Variants in COL9A1 observed in about 807,000 individuals in gnomAD.
COL9A1 encodes collagen alpha-1(IX) chain.
COL9A1 carries 104 observed loss-of-function variants against 142.6 expected under a neutral mutation model. The ratio of observed to expected loss-of-function variants is 0.73; its 90% CI spans 0.62 to 0.86. The LOEUF is 0.86. COL9A1 is among the 40% of genes least tolerant of loss of function. The pLI is 0.00. For synonymous variants in COL9A1, 466 were observed against 396.0 expected, an observed-to-expected ratio of 1.18 and a Z score of -2.10; for missense variants, 1,210 against 1,176.6, an observed-to-expected ratio of 1.03 and a Z score of -0.42.
In COL9A1 at chr6:70,255,153, G is replaced by A. The variant is rs746848531; in HGVS notation, c.1608C>T (p.Asp536=). The A allele has an allele frequency of 4.3e-6, 7 of 1,614,062 alleles. No homozygotes were observed. The Admixed American group carries it at 1.0e-4, about 23-fold the overall frequency. ...GIPGLPGPKG[D]TGLPGVDGRD... is the part of the protein sequence containing the mutation. ...ATGACTACAGCTCAGGACATACCGT[G>A]TCTCCTTTGGGCCCAGGGAGACCAG... The change falls in exon 23 of 38, where the codon GAC becomes GAT. Residue 536 remains aspartate (D), a synonymous_variant. Transcript: ENST00000357250.
intron 29 of COL9A1, chr6:70,242,306 C>A (rs959634864): frequency 3.4e-6 from 2 of 586,088 alleles, no homozygotes; most frequent in Non-Finnish European, 6.1e-6. Flanking sequence ...CCCGCCACCC[C>A]CGCACTGCCT....
intron 21 of COL9A1, 143 bp from the exon 22 acceptor site, chr6:70,255,533 A>C (rs1392230485): frequency 2.8e-6 from 2 of 725,042 alleles, no homozygotes; most frequent in Non-Finnish European, 4.7e-6. Context: ...CTAGATGAAG[A>C]AGTCTTTTTA....
chr6:70,242,007 C>T lies in COL9A1; in HGVS notation c.1955G>A (p.Gly652Asp). 1 of 1,598,480 alleles carries T rather than the reference C, an allele frequency of 6.3e-7. No individual in the cohort carries two copies. The highest frequency in any genetic ancestry group is 8.5e-7 in the Non-Finnish European group (1 of 1,171,348). The change falls in exon 30 of 38, where the codon GGC (glycine) becomes GAC (aspartate). Residue 652 changes from glycine (G) to aspartate (D), a missense_variant. Physicochemically the swap from Gly to Asp is moderately conservative, Grantham distance 94. Transcript: ENST00000357250. ...LGSLGSPGLP[G>D]LPGPPGLPGM... ...AGGAAGTCCAGGGGGCCCAGGCAAG[C>T]CAGGGAGGCCAGGGCTACCCAGAGA...
chr6:70,259,690 C>T (rs2127580581), intron 20 of COL9A1, among the ~76,000 whole-genome samples: 1 of 152,244 alleles, frequency 6.6e-6, no homozygotes, highest in South Asian at 2.1e-4. Flanking sequence ...TCCATCATAC[C>T]ACTGGCTCTC....
chr6:70,268,244 TC>T (rs1362483309), intron 17 of COL9A1, among the ~76,000 whole-genome samples: 1 of 151,430 alleles, frequency 6.6e-6, no homozygotes, highest in African/African-American at 2.4e-5. Context: ...AGACAAGGTC[TC>T]CCTCCACCAC....
In COL9A1 at chr6:70,281,375, G is replaced by C. The variant is rs772024540; in HGVS notation, c.876+15C>G. ...AGGACTGGGGAACAGAGGTGGCCTGGAGATAGAAACTTACGTCGATGCCAT... is the reference window on the plus strand; with the variant it reads ...AGGACTGGGGAACAGAGGTGGCCTGCAGATAGAAACTTACGTCGATGCCAT... On this transcript the variant is annotated intron_variant, in intron 8 of 37. Coordinates refer to ENST00000357250, the MANE Select transcript of COL9A1 (RefSeq NM_001851.6). The C allele has an allele frequency of 6.2e-7, 1 of 1,612,154 alleles. No homozygotes were observed. The highest frequency in any genetic ancestry group is 1.7e-5 in the Admixed American group (1 of 59,950).
chr6:70,257,383 C>T (rs138491777), intron 20 of COL9A1, among the ~76,000 whole-genome samples: 2 of 152,252 alleles, frequency 1.3e-5, no homozygotes, highest in African/African-American at 4.8e-5. Flanking sequence ...TAAGTTAACA[C>T]TGCACCCATC....
intron 5 of COL9A1, among the ~76,000 whole-genome samples, chr6:70,289,257 T>C (rs1005871925): frequency 8.5e-5 from 13 of 152,196 alleles, no homozygotes; most frequent in Admixed American, 6.5e-4. Context: ...TCTTAGCCCA[T>C]GTATATTTTT....
At chr6:70,236,112 C>CAAAA (rs368419095) in intron 33 of COL9A1, among the ~76,000 whole-genome samples, 8 of 49,024 alleles carry the variant, frequency 1.6e-4, no homozygotes, top group African/African-American at 6.0e-4. Context: ...GACTCCATCT[C>CAAAA]AAAAAAAAAA....
At chr6:70,260,546 C>G (rs1245939920) in intron 20 of COL9A1, 111 bp downstream of exon 20, 3 of 840,382 alleles carry the variant, frequency 3.6e-6, no homozygotes, top group Admixed American at 5.0e-5. Context: ...GAAACTCCAT[C>G]TCAAAAAAAA....
At position 70,280,068 on chromosome 6, in the gene COL9A1, G is replaced by A. The variant is rs55978634; in HGVS notation, c.975+744C>T. 2,892 of 680,746 alleles carry A rather than the reference G, an allele frequency of 4.2e-3. 54 individuals carry two copies. In the African/African-American group the frequency reaches 0.045, roughly 11 times the overall value. 42.2% of individuals were successfully genotyped at this position (680,746 alleles called of 1,614,324 possible). ...AATGCATGGAAAGAGGAGAAGCTGA[G>A]AATCCTGAAGTCATTTTACTCTGAA... On this transcript the variant is annotated intron_variant, in intron 10 of 37. Transcript: ENST00000357250.
chr6:70,250,887 A>G (rs1004364707), intron 28 of COL9A1, among the ~76,000 whole-genome samples: 5 of 152,190 alleles, frequency 3.3e-5, no homozygotes, highest in African/African-American at 1.2e-4. Flanking sequence ...TATGGCTGCT[A>G]TAAAATAGAC....
At chr6:70,244,526 G>A (rs889239729) in intron 28 of COL9A1, among the ~76,000 whole-genome samples, 3 of 152,242 alleles carry the variant, frequency 2.0e-5, no homozygotes, top group South Asian at 4.1e-4. Flanking sequence ...CTGGGCTCAC[G>A]TGACTTTAAT....
intron 37 of COL9A1, among the ~76,000 whole-genome samples, chr6:70,223,277 C>T (rs934133018): frequency 6.6e-6 from 1 of 152,170 alleles, no homozygotes; most frequent in Non-Finnish European, 1.5e-5. Context: ...GAACAACCAA[C>T]ATTTCTTGAG....
At chr6:70,219,029 G>A (rs1768709536) in intron 37 of COL9A1, among the ~76,000 whole-genome samples, 1 of 152,182 alleles carries the variant, frequency 6.6e-6, no homozygotes, top group African/African-American at 2.4e-5. Context: ...TGAGGTCCCT[G>A]AGAAAGCTTC....
chr6:70,280,343 G>T (rs1773065705), intron 10 of COL9A1: 1 of 1,195,046 alleles, frequency 8.4e-7, no homozygotes, highest in Admixed American at 4.0e-5. Flanking sequence ...GGAGTGCTCT[G>T]GCCCTTTGCC....
intron 37 of COL9A1, among the ~76,000 whole-genome samples, chr6:70,220,723 T>C (rs1254692740): frequency 6.6e-6 from 1 of 152,204 alleles, no homozygotes; most frequent in Non-Finnish European, 1.5e-5. Flanking sequence ...TGACTCATAA[T>C]AACGGTTCAC....
At chr6:70,281,166 T>C in intron 8 of COL9A1, 127 bp from the exon 9 acceptor site, 1 of 881,918 alleles carries the variant, frequency 1.1e-6, no homozygotes, top group Non-Finnish European at 1.8e-6. Flanking sequence ...TGGAGGTTCA[T>C]GACCAACAAG....
intron 31 of COL9A1, among the ~76,000 whole-genome samples, 181 bp downstream of exon 31, chr6:70,241,238 A>G (rs1443412455): frequency 6.6e-6 from 1 of 152,210 alleles, no homozygotes; most frequent in Non-Finnish European, 1.5e-5. Context: ...CCAGCTTGTT[A>G]AAATAGTAAA....
Sources: gnomAD v4.1 joint callset for allele counts (sites outside exome capture counted in the v4.1 genomes callset) on GRCh38, gnomAD v4.1.1 for gene constraint, MANE v1.5 for transcripts, NCBI Gene and HGNC (gene_info 2026-07-23, HGNC 2026-07-21) for gene names.